The following RGPD2 variants were observed in gnomAD, a reference collection of about 807,000 sequenced individuals.
RGPD2 encodes the protein RANBP2-like and GRIP domain-containing protein 2.
Under a neutral mutation model 36.0 loss-of-function variants are expected in RGPD2, and 2 were observed. That is an observed-to-expected ratio of 0.06 (90% confidence interval 0.02 to 0.17). The LOEUF is 0.17. Ranked by LOEUF, RGPD2 falls within the 10% of genes least tolerant of loss-of-function variation. The pLI, the probability that RGPD2 is intolerant of heterozygous loss-of-function variation, is 1.00. For synonymous variants in RGPD2, 19 were observed against 163.8 expected, an observed-to-expected ratio of 0.12 and a Z score of 6.75; for missense variants, 40 against 464.3, an observed-to-expected ratio of 0.09 and a Z score of 8.40.
At chr2:87,988,702 C>T in the RGPD2 span, among the ~76,000 whole-genome samples, 7 of 151,142 alleles carry the variant, frequency 4.6e-5, no homozygotes, top group Non-Finnish European at 1.0e-4. Context: ...CACCACACCC[C>T]GCTGATTTTT....
chr2:87,943,233 TTATC>T, the RGPD2 span, among the ~76,000 whole-genome samples: 194 of 115,538 alleles, frequency 1.7e-3, no homozygotes, highest in Middle Eastern at 3.8e-3. Flanking sequence ...TATACGAGGG[TTATC>T]TTTTTTCCAC....
At chr2:87,883,779 T>C in the RGPD2 span, among the ~76,000 whole-genome samples, 3 of 152,136 alleles carry the variant, frequency 2.0e-5, no homozygotes, top group African/African-American at 7.2e-5. Flanking sequence ...TGCTCCAAAA[T>C]TGGAGTACTT....
the RGPD2 span, among the ~76,000 whole-genome samples, chr2:87,966,499 A>C: frequency 1.3e-5 from 2 of 150,458 alleles, no homozygotes; most frequent in Non-Finnish European, 3.0e-5. Flanking sequence ...CCCTGAGCTT[A>C]ACATTCATAT....
At chr2:87,957,815 AC>A in the RGPD2 span, among the ~76,000 whole-genome samples, 2 of 152,310 alleles carry the variant, frequency 1.3e-5, no homozygotes, top group Admixed American at 1.3e-4. Context: ...GGCTATAAAA[AC>A]AGCTTGTTTG....
chr2:87,986,851 G>A, the RGPD2 span, among the ~76,000 whole-genome samples: 2 of 148,002 alleles, frequency 1.4e-5, no homozygotes, highest in East Asian at 4.0e-4. Flanking sequence ...TTGCACTCCA[G>A]CCTGGATGAC....
At chr2:87,955,213 A>T in the RGPD2 span, among the ~76,000 whole-genome samples, 1 of 141,578 alleles carries the variant, frequency 7.1e-6, no homozygotes, top group African/African-American at 2.7e-5. Context: ...ACAGGGTTTC[A>T]CCATGTTAGC....
intron 20 of RGPD2, among the ~76,000 whole-genome samples, chr2:87,781,467 T>G (rs1411056868): frequency 9.5e-5 from 13 of 137,524 alleles, no homozygotes; most frequent in East Asian, 4.3e-4. Context: ...TTTTTTTGTT[T>G]TTTTTTTTTT....
the RGPD2 span, among the ~76,000 whole-genome samples, chr2:87,973,693 T>TTAA: frequency 2.8e-5 from 3 of 105,464 alleles, no homozygotes; most frequent in East Asian, 2.6e-4. Flanking sequence ...GTGAACCAGC[T>TTAA]AAAAAAAAAA....
the RGPD2 span, among the ~76,000 whole-genome samples, chr2:87,870,566 C>A: frequency 1.3e-5 from 2 of 152,208 alleles, no homozygotes; most frequent in Non-Finnish European, 2.9e-5. Context: ...GTGAGAAAAG[C>A]CTAGCCCTCT....
At chr2:87,760,894 G>A (rs988871469) in intron 22 of RGPD2, among the ~76,000 whole-genome samples, 6 of 149,990 alleles carry the variant, frequency 4.0e-5, no homozygotes, top group Non-Finnish European at 8.9e-5. Context: ...TGGCATTATA[G>A]GCGTAAGCCA....
intron 22 of RGPD2, among the ~76,000 whole-genome samples, chr2:87,768,958 ATTT>A (rs1206545550): frequency 0.014 from 24 of 1,760 alleles, no homozygotes; most frequent in Non-Finnish European, 0.023. Context: ...TGTAGTTTAC[ATTT>A]TTTTTTTTTT....
chr2:87,964,007 TGTATTTTTA>T, the RGPD2 span, among the ~76,000 whole-genome samples: 1 of 151,178 alleles, frequency 6.6e-6, no homozygotes, highest in Non-Finnish European at 1.5e-5. Flanking sequence ...GGCTAATTGT[TGTATTTTTA>T]GTAGAGACGG....
At chr2:87,876,199 A>AT in the RGPD2 span, among the ~76,000 whole-genome samples, 1 of 145,722 alleles carries the variant, frequency 6.9e-6, no homozygotes, top group Non-Finnish European at 1.5e-5. Context: ...TTTTTGAAGA[A>AT]TTTTTTATGT....
At chr2:87,859,679 G>C in the RGPD2 span, among the ~76,000 whole-genome samples, 2 of 152,116 alleles carry the variant, frequency 1.3e-5, no homozygotes, top group African/African-American at 4.8e-5. Flanking sequence ...AAGTTATTTC[G>C]CTGAGATCAC....
chr2:87,875,262 G>A, the RGPD2 span, among the ~76,000 whole-genome samples: 1 of 152,148 alleles, frequency 6.6e-6, no homozygotes, highest in Non-Finnish European at 1.5e-5. Context: ...TGGTAAGAGA[G>A]GGTGTGCTTG....
At chr2:87,877,804 C>CAAAAAAAAAAAAAAAAAAAAA in the RGPD2 span, among the ~76,000 whole-genome samples, 10 of 84,422 alleles carry the variant, frequency 1.2e-4, no homozygotes, top group Admixed American at 1.6e-4. Context: ...GACTCCGTCT[C>CAAAAAAAAAAAAAAAAAAAAA]AAAAAAAAAA....
the RGPD2 span, among the ~76,000 whole-genome samples, chr2:87,988,394 T>A: frequency 1.2e-5 from 1 of 84,600 alleles, no homozygotes; most frequent in South Asian, 4.8e-4. Flanking sequence ...AGATATTTAT[T>A]TTAAAATTAA....
At chr2:87,876,233 T>C in the RGPD2 span, among the ~76,000 whole-genome samples, 3 of 147,854 alleles carry the variant, frequency 2.0e-5, no homozygotes, top group South Asian at 6.5e-4. Flanking sequence ...AGTTCAGCTC[T>C]GATCTTGGTT....
the RGPD2 span, among the ~76,000 whole-genome samples, chr2:87,840,651 C>G: frequency 1.3e-5 from 2 of 150,338 alleles, no homozygotes; most frequent in Non-Finnish European, 3.0e-5. Context: ...CAGTATTTTC[C>G]TTTGTTCAGA....
Sources: allele counts gnomAD v4.1 joint callset (sites outside exome capture counted in the v4.1 genomes callset), GRCh38; gene constraint gnomAD v4.1.1; transcripts MANE v1.5; gene names NCBI Gene and HGNC (gene_info 2026-07-23, HGNC 2026-07-21).